RFX2: variants seen among roughly 807,000 people sequenced by gnomAD.
RFX2 encodes the protein DNA-binding protein RFX2.
Under a neutral mutation model 87.8 loss-of-function variants are expected in RFX2, and 20 were observed. The ratio of observed to expected loss-of-function variants is 0.23; its 90% confidence interval spans 0.16 to 0.33. The LOEUF (loss-of-function observed/expected upper bound fraction) is 0.33, where lower values mean the gene tolerates loss of function less well. Among genes scored for constraint, RFX2 ranks in the 10% least tolerant of loss-of-function variants. The pLI is 1.00. For synonymous variants in RFX2, 397 were observed against 431.3 expected (o/e 0.92, Z 0.98); for missense variants, 767 against 1,012.3 (o/e 0.76, Z 3.29).
chr19:6,068,759 T>G (rs1406246455), intron 1 of RFX2, among the ~76,000 whole-genome samples: 1 of 152,152 alleles, frequency 6.6e-6, no homozygotes, highest in African/African-American at 2.4e-5. Context: ...TGGCTTTTGC[T>G]TGGGGTAAAT....
chr19:6,088,305 C>T lies in RFX2; in HGVS notation c.-9+22088G>A, dbSNP rs555155418. Among the ~76,000 whole-genome samples, 76 of 151,174 alleles carry T rather than the reference C, an allele frequency of 5.0e-4. 1 individual carries two copies. In the Middle Eastern group the frequency reaches 0.01, roughly 20 times the overall value. On this transcript the variant is annotated intron_variant, in intron 1 of 17. Transcript: ENST00000303657. Reference sequence around the variant, plus strand: ...CGTGATCTCGGCTCACTGCAACCTCCGCCTCCCGCGATTCTCCTGCCTCAG... The same window carrying T: ...CGTGATCTCGGCTCACTGCAACCTCTGCCTCCCGCGATTCTCCTGCCTCAG...
chr19:6,103,006 A>G (rs2144909886), intron 1 of RFX2, among the ~76,000 whole-genome samples: 2 of 152,304 alleles, frequency 1.3e-5, no homozygotes, highest in South Asian at 4.1e-4. Flanking sequence ...TCTCAGACAT[A>G]TACACAAACA....
In RFX2 at chr19:5,993,886, C is replaced by A. The variant is rs1360754049; in HGVS notation, c.*949G>T. On this transcript the variant is annotated 3_prime_UTR_variant, in exon 18 of 18. Coordinates refer to ENST00000303657, the MANE Select transcript of RFX2 (RefSeq NM_000635.4). The stretch of plus-strand genomic sequence containing the variant: ...AGGTGTTCTGGAAGACTCCGTGGAG[C>A]GGGACGCAGGCACTGCTGTTTGGAC... The A allele has an allele frequency of 6.6e-6, 1 of 152,354 alleles. No individual in the cohort carries two copies. Among genetic ancestry groups the A allele is most frequent in the South Asian group, 2.1e-4 (1 of 4,820 alleles). 9.4% of individuals were successfully genotyped at this position (152,354 alleles called of 1,614,324 possible).
chr19:6,041,729 T>A (rs2087110497), intron 4 of RFX2, among the ~76,000 whole-genome samples: 1 of 151,984 alleles, frequency 6.6e-6, no homozygotes, highest in African/African-American at 2.4e-5. Context: ...CTCCTTTTTT[T>A]TTTGGACAGG....
Position 6,110,372 on chromosome 19 carries a change from C to G in RFX2, c.-9+21G>C, listed in dbSNP as rs905148249. ...CCACACTCCCCGGCCGGGCTGGGCC[C>G]GGGGCGGTCGCATCGGTCACCTGGA... On this transcript the variant is annotated intron_variant, in intron 1 of 17. Transcript: ENST00000303657. The surrounding 1 kb of genome is among the most constrained non-coding windows in gnomAD (Gnocchi z 4.3). 5.3e-5 allele frequency: 8 copies of G among 151,968 alleles called. No homozygotes were observed. The highest frequency in any genetic ancestry group is 1.7e-4 in the African/African-American group (7 of 41,380). The allele number at this position is 151,968 out of a possible 1,614,324, so 9.4% of individuals were successfully genotyped here. A position where few individuals can be genotyped will look rare whatever the true frequency, so the allele number is the denominator to read the frequency against.
At chr19:6,072,426 G>A (rs747041298) in intron 1 of RFX2, among the ~76,000 whole-genome samples, 1 of 152,208 alleles carries the variant, frequency 6.6e-6, no homozygotes, top group Non-Finnish European at 1.5e-5. Context: ...ATTTGGGCCA[G>A]GAGCAGTGGC....
At chr19:6,085,313 T>TC (rs1438371316) in intron 1 of RFX2, among the ~76,000 whole-genome samples, 1 of 152,264 alleles carries the variant, frequency 6.6e-6, no homozygotes, top group Non-Finnish European at 1.5e-5. Context: ...GTAACAGTCA[T>TC]CGTAATGGGT....
At position 6,017,952 on chromosome 19, in the gene RFX2, G is replaced by C. The variant is rs2086753563; in HGVS notation, c.598-1681C>G. 6.6e-6 allele frequency among the ~76,000 whole-genome samples: 1 copy of C among 150,444 alleles called. No individual in the cohort carries two copies. The highest frequency in any genetic ancestry group is 2.5e-5 in the African/African-American group (1 of 40,762). On this transcript the variant is annotated intron_variant, in intron 6 of 17. Coordinates refer to ENST00000303657, the MANE Select transcript of RFX2 (RefSeq NM_000635.4). The surrounding 1 kb of genome is among the most constrained non-coding windows in gnomAD (Gnocchi z 4.1). ...CCCCAACTCAGCATTAGAAGCTGGG[G>C]AGGAAGAAAGCATTCATCTCCCTTT... is the stretch of plus-strand genomic sequence containing the variant.
intron 1 of RFX2, among the ~76,000 whole-genome samples, chr19:6,080,541 G>C (rs2087766263): frequency 6.6e-6 from 1 of 152,138 alleles, no homozygotes; most frequent in South Asian, 2.1e-4. Flanking sequence ...ATAGAGCCAG[G>C]GGTGGTGGTG....
rs543592786 is a variant in RFX2 at position 5,997,309 on chromosome 19, C to T, written c.1860-96G>A. 39 of 1,344,234 alleles carry T rather than the reference C, an allele frequency of 2.9e-5. No homozygotes were observed. The highest frequency in any genetic ancestry group is 7.3e-5 in the African/African-American group (5 of 68,088). 83.3% of individuals were successfully genotyped at this position (1,344,234 alleles called of 1,614,324 possible). On this transcript the variant is annotated intron_variant, in intron 15 of 17. Coordinates refer to ENST00000303657, the MANE Select transcript of RFX2 (RefSeq NM_000635.4). The surrounding 1 kb of genome is among the most constrained non-coding windows in gnomAD (Gnocchi z 4.2). ...TGGCAGCAACACACCCCCTGCTCTA[C>T]GTTCCCTGGGGAACCCAGAGGCTGA... is the stretch of plus-strand genomic sequence containing the variant.
In RFX2 at chr19:6,010,318, G is replaced by A; in HGVS notation, c.900-67C>T. 9.4e-7 allele frequency: 1 copy of A among 1,064,384 alleles called. No individual in the cohort carries two copies. The highest frequency in any genetic ancestry group is 1.4e-6 in the Non-Finnish European group (1 of 715,112). 65.9% of individuals were successfully genotyped at this position (1,064,384 alleles called of 1,614,324 possible). On this transcript the variant is annotated intron_variant, in intron 8 of 17. Coordinates refer to ENST00000303657, the MANE Select transcript of RFX2 (RefSeq NM_000635.4). This position sits in a 1 kb window ranked among gnomAD's most constrained non-coding sequence, Gnocchi z 5.0. Reference sequence around the variant, plus strand: ...CTGCTGCGGGTGGGCCCAAAGACTGGGGGGCTGGGCAGGATTCAGTCAGGC... The same window carrying A: ...CTGCTGCGGGTGGGCCCAAAGACTGAGGGGCTGGGCAGGATTCAGTCAGGC...
intron 5 of RFX2, among the ~76,000 whole-genome samples, chr19:6,036,043 T>C (rs879869506): frequency 1.4e-4 from 22 of 152,204 alleles, no homozygotes; most frequent in Middle Eastern, 3.2e-3. Flanking sequence ...GAGAACATGA[T>C]TGTTTCTCAG....
chr19:6,052,345 C>T (rs2087277342), intron 1 of RFX2, among the ~76,000 whole-genome samples: 1 of 152,084 alleles, frequency 6.6e-6, no homozygotes, highest in African/African-American at 2.4e-5. Context: ...ATATTGATTA[C>T]AGATATGTAT....
At chr19:6,059,442 T>C (rs2087396190) in intron 1 of RFX2, among the ~76,000 whole-genome samples, 1 of 152,186 alleles carries the variant, frequency 6.6e-6, no homozygotes, top group Non-Finnish European at 1.5e-5. Context: ...GCAAATACTC[T>C]TTTGGCAGGC....
Position 6,004,329 on chromosome 19 carries a change from G to C in RFX2, c.1403-31C>G. ...GGATACAGACCATGATATTACCAGGGAGAAAGGCAGTGACTGGACCCTGGA... is the reference window on the plus strand; with the variant it reads ...GGATACAGACCATGATATTACCAGGCAGAAAGGCAGTGACTGGACCCTGGA... On this transcript the variant is annotated intron_variant, in intron 12 of 17. Transcript: ENST00000303657. The surrounding 1 kb of genome is among the most constrained non-coding windows in gnomAD (Gnocchi z 4.8). 1 of 1,560,498 alleles carries C rather than the reference G, an allele frequency of 6.4e-7. No homozygotes were observed. Among genetic ancestry groups the C allele is most frequent in the South Asian group, 1.1e-5 (1 of 89,920 alleles).
In RFX2 at chr19:6,001,317, C is replaced by G. The variant is rs2086487191; in HGVS notation, c.1859+498G>C. 6.6e-6 allele frequency among the ~76,000 whole-genome samples: 1 copy of G among 152,204 alleles called. No individual in the cohort carries two copies. Among genetic ancestry groups the G allele is most frequent in the Admixed American group, 6.5e-5 (1 of 15,282 alleles). ...TTGCTCTGTCACTCAGGCTAGGGTA[C>G]AGTGGTGCAATCTTGGCTCACTGCA... On this transcript the variant is annotated intron_variant, in intron 15 of 17. Transcript: ENST00000303657. This position sits in a 1 kb window ranked among gnomAD's most constrained non-coding sequence, Gnocchi z 5.6.
At chr19:6,041,632 C>G (rs1000385889) in intron 4 of RFX2, among the ~76,000 whole-genome samples, 1 of 145,236 alleles carries the variant, frequency 6.9e-6, no homozygotes, top group Non-Finnish European at 1.5e-5. Context: ...CCAAGACTAT[C>G]TTTTCTAAAA....
At position 6,056,143 on chromosome 19, in the gene RFX2, T is replaced by A. The variant is rs558761666; in HGVS notation, c.-8-8639A>T. Among the ~76,000 whole-genome samples the A allele has an allele frequency of 1.3e-5, 2 of 152,148 alleles. No individual in the cohort carries two copies. Among genetic ancestry groups the A allele is most frequent in the African/African-American group, 4.8e-5 (2 of 41,442 alleles). On this transcript the variant is annotated intron_variant, in intron 1 of 17. Transcript: ENST00000303657. The surrounding 1 kb of genome is among the most constrained non-coding windows in gnomAD (Gnocchi z 4.6). ...ACATGGAGTCGTGATTTGTCAAAAT[T>A]AGCCAGCTAAGGTTTGTGCACTTAC...
rs570292229 is a variant in RFX2, at chr19:6,074,970, T to G, written c.-8-27466A>C. ...TTTAGGAGGTGGGGCCTTTGGGAGGTGATTAGGTCATGAGGGTGGGATCAT... is the reference window on the plus strand; with the variant it reads ...TTTAGGAGGTGGGGCCTTTGGGAGGGGATTAGGTCATGAGGGTGGGATCAT... On this transcript the variant is annotated intron_variant, in intron 1 of 17. Transcript: ENST00000303657. The surrounding 1 kb of genome is among the most constrained non-coding windows in gnomAD (Gnocchi z 5.2). Among the ~76,000 whole-genome samples the G allele has an allele frequency of 1.3e-3, 195 of 151,770 alleles. No homozygotes were observed. Among genetic ancestry groups the G allele is most frequent in the African/African-American group, 4.4e-3 (184 of 41,364 alleles).
Sources: allele counts gnomAD v4.1 joint callset (sites outside exome capture counted in the v4.1 genomes callset), GRCh38; gene constraint gnomAD v4.1.1; non-coding constraint Gnocchi (gnomAD v3.1); transcripts MANE v1.5; gene names NCBI Gene and HGNC (gene_info 2026-07-23, HGNC 2026-07-21).